Variants in SPOP observed in about 807,000 individuals in gnomAD.
SPOP encodes speckle type BTB/POZ protein.
A neutral mutation model predicts 45.6 loss-of-function variants in SPOP; 11 were observed. That is an observed-to-expected ratio of 0.24 (90% CI 0.15 to 0.40). The LOEUF (loss-of-function observed/expected upper bound fraction) is 0.40. SPOP is among the 10% of genes least tolerant of loss of function. The pLI, the probability that SPOP is intolerant of heterozygous loss-of-function variation, is 1.00. For synonymous variants in SPOP, 166 were observed against 166.3 expected, an observed-to-expected ratio of 1.00 and a Z score of 0.01; for missense variants, 152 against 465.6, an observed-to-expected ratio of 0.33 and a Z score of 6.20.
chr17:49,603,548 A>G lies in SPOP; in HGVS notation c.838-1541T>C, dbSNP rs186528492. Among the ~76,000 whole-genome samples, 508 of 152,338 alleles carry G rather than the reference A, an allele frequency of 3.3e-3. 3 individuals are homozygous for G. The highest frequency in any genetic ancestry group is 4.7e-3 in the Non-Finnish European group (323 of 68,026). The stretch of plus-strand genomic sequence containing the variant: ...AATTGTGTCTCCCAGGCCTAGCCCA[A>G]CGAGTTTTGTTGTTTTTGGTCTAAT... On this transcript the variant is annotated intron_variant, in intron 8 of 9. Coordinates refer to ENST00000504102, the MANE Select transcript of SPOP (RefSeq NM_001007228.2).
intron 8 of SPOP, chr17:49,607,008 A>T (rs2071864929): frequency 2.4e-6 from 1 of 410,736 alleles, no homozygotes. Context: ...GTAGAAGTCA[A>T]ACTTATCCTT....
At chr17:49,667,729 C>A (rs975385981) in intron 1 of SPOP, among the ~76,000 whole-genome samples, 3 of 152,078 alleles carry the variant, frequency 2.0e-5, no homozygotes, top group African/African-American at 7.2e-5. Context: ...TTACATGATC[C>A]ACAATTCCAC....
intron 3 of SPOP, among the ~76,000 whole-genome samples, chr17:49,620,905 G>A (rs1233403924): frequency 6.6e-6 from 1 of 152,180 alleles, no homozygotes; most frequent in Non-Finnish European, 1.5e-5. Context: ...TGCTAATGAT[G>A]AGGATTTAAA....
At chr17:49,616,875 C>T (rs1165227039) in intron 5 of SPOP, among the ~76,000 whole-genome samples, 1 of 152,230 alleles carries the variant, frequency 6.6e-6, no homozygotes, top group Non-Finnish European at 1.5e-5. Flanking sequence ...TCTAAAGTGT[C>T]ATCTCACTTC....
intron 1 of SPOP, among the ~76,000 whole-genome samples, chr17:49,626,035 A>G (rs2072323793): frequency 6.6e-6 from 1 of 152,194 alleles, no homozygotes; most frequent in African/African-American, 2.4e-5. Flanking sequence ...TTGTGTAAGG[A>G]TATATTCCAT....
chr17:49,644,124 G>A (rs970946563), intron 1 of SPOP, among the ~76,000 whole-genome samples: 2 of 152,070 alleles, frequency 1.3e-5, no homozygotes, highest in African/African-American at 4.8e-5. Flanking sequence ...CCAACACTTT[G>A]GGAGGCCAAG....
intron 1 of SPOP, among the ~76,000 whole-genome samples, chr17:49,660,150 AT>A (rs1205282636): frequency 6.6e-6 from 1 of 152,174 alleles, no homozygotes. Context: ...GCTCTACAAC[AT>A]TTGGACTTCC....
At chr17:49,657,493 G>A (rs1374754317) in intron 1 of SPOP, among the ~76,000 whole-genome samples, 1 of 151,636 alleles carries the variant, frequency 6.6e-6, no homozygotes, top group Non-Finnish European at 1.5e-5. Context: ...CTGCCTCCTG[G>A]GTTCTAACGA....
chr17:49,670,404 C>G, intron 1 of SPOP, among the ~76,000 whole-genome samples: 1 of 152,050 alleles, frequency 6.6e-6, no homozygotes, highest in Non-Finnish European at 1.5e-5. Context: ...AATTTGGGAC[C>G]AGTATTGTTA....
At chr17:49,664,249 A>G (rs1375714232) in intron 1 of SPOP, among the ~76,000 whole-genome samples, 1 of 152,178 alleles carries the variant, frequency 6.6e-6, no homozygotes, top group South Asian at 2.1e-4. Context: ...CCCTTTTCCA[A>G]CTACATGTTC....
At chr17:49,645,294 CTTTCT>C (rs371327521) in intron 1 of SPOP, among the ~76,000 whole-genome samples, 1 of 151,744 alleles carries the variant, frequency 6.6e-6, no homozygotes, top group African/African-American at 2.4e-5. Flanking sequence ...AGCACATCTT[CTTTCT>C]TTCCTTCTTT....
At chr17:49,618,366 C>T (rs1163502477) in intron 5 of SPOP, 1 of 340,138 alleles carries the variant, frequency 2.9e-6, no homozygotes, top group East Asian at 7.9e-5. Flanking sequence ...TATTTCAAGG[C>T]TTCTCCTGTA....
In SPOP at chr17:49,638,696, T is replaced by C. The variant is rs140458743; in HGVS notation, c.-66-15820A>G. The stretch of plus-strand genomic sequence containing the variant: ...ATAGGTTTTGGTAAACCAAGTCCAG[T>C]TACTATCAGTGATCAAATGAGCCAT... On this transcript the variant is annotated intron_variant, in intron 1 of 9. Transcript: ENST00000504102. 2.6e-5 allele frequency among the ~76,000 whole-genome samples: 4 copies of C among 152,320 alleles called. No homozygotes were observed. The East Asian group carries it at 7.7e-4, about 29-fold the overall frequency.
chr17:49,642,624 TAA>T (rs932309927), intron 1 of SPOP, among the ~76,000 whole-genome samples: 4 of 152,190 alleles, frequency 2.6e-5, no homozygotes, highest in African/African-American at 9.6e-5. Flanking sequence ...ACTTAGGAAC[TAA>T]AAAAAGTTTT....
At chr17:49,647,180 C>T (rs537820293) in intron 1 of SPOP, among the ~76,000 whole-genome samples, 1 of 151,678 alleles carries the variant, frequency 6.6e-6, no homozygotes, top group Admixed American at 6.6e-5. Flanking sequence ...CCTGTAGTCC[C>T]AGCTAATCGG....
chr17:49,646,061 T>C (rs2072753180), intron 1 of SPOP: 1 of 152,212 alleles, frequency 6.6e-6, no homozygotes, highest in Non-Finnish European at 1.5e-5. Context: ...CCTTTCTGTA[T>C]TATGGCTAGG....
chr17:49,632,013 A>G (rs1389855453), intron 1 of SPOP, among the ~76,000 whole-genome samples: 1 of 152,192 alleles, frequency 6.6e-6, no homozygotes, highest in Non-Finnish European at 1.5e-5. Flanking sequence ...GTTAAGCTCA[A>G]CGAGAATAGT....
In SPOP at chr17:49,611,413, G is replaced by A. The variant is rs1327381298; in HGVS notation, c.525C>T (p.Thr175=). The A allele has an allele frequency of 1.9e-6, 3 of 1,613,920 alleles. No homozygotes were observed. The East Asian group carries it at 6.7e-5, about 36-fold the overall frequency. The change falls in exon 6 of 10, where the codon ACC becomes ACT. Residue 175 remains threonine, a synonymous_variant. Coordinates refer to ENST00000504102, the MANE Select transcript of SPOP (RefSeq NM_001007228.2). ...ACTCAGGAACCTTTACCATGTTCAT[G>A]GTATTCTGGCCAGAAATGTTGACAG... ...QDSVNISGQN[T]MNMVKVPECR...
chr17:49,659,462 A>G (rs1223619156), intron 1 of SPOP, among the ~76,000 whole-genome samples: 1 of 152,096 alleles, frequency 6.6e-6, no homozygotes, highest in Non-Finnish European at 1.5e-5. Flanking sequence ...TTCCTTGCCT[A>G]TTGTCCACCT....
Sources: allele counts gnomAD v4.1 joint callset (sites outside exome capture counted in the v4.1 genomes callset), GRCh38; gene constraint gnomAD v4.1.1; transcripts MANE v1.5; gene names NCBI Gene and HGNC (gene_info 2026-07-23, HGNC 2026-07-21).